RNF128: variants seen among roughly 807,000 people sequenced by gnomAD.
RNF128 encodes ring finger protein 128.
A neutral mutation model predicts 26.2 loss-of-function variants in RNF128; 13 were observed. The ratio of observed to expected loss-of-function variants is 0.50; its 90% CI spans 0.32 to 0.79. The LOEUF (loss-of-function observed/expected upper bound fraction) is 0.79. Among genes scored for constraint, RNF128 ranks in the 30% least tolerant of loss-of-function variants. The probability of loss-of-function intolerance (pLI) is 0.03; values close to 1 mark genes in which losing one functional copy is unlikely to be tolerated. For missense variants in RNF128, 315 were observed against 349.7 expected, an observed-to-expected ratio of 0.90 and a Z score of 0.79; for synonymous variants, 149 against 142.5, an observed-to-expected ratio of 1.05 and a Z score of -0.32.
At chrX:106,782,871 TCTC>T (rs1418314187) in intron 2 of RNF128, among the ~76,000 whole-genome samples, 2 of 111,527 alleles carry the variant, frequency 1.8e-5, no homozygotes, top group Non-Finnish European at 3.8e-5. Flanking sequence ...TCAGTTTTCT[TCTC>T]TGTCTGATTA....
chrX:106,791,506 T>C (rs1034316640), intron 6 of RNF128, among the ~76,000 whole-genome samples: 2 of 111,677 alleles, frequency 1.8e-5, no homozygotes, highest in African/African-American at 6.5e-5. Context: ...AAATCTTGGC[T>C]TATTAACTAA....
intron 3 of RNF128, among the ~76,000 whole-genome samples, chrX:106,785,975 T>C (rs1930651011): frequency 8.9e-6 from 1 of 111,981 alleles, no homozygotes; most frequent in Admixed American, 9.5e-5. Flanking sequence ...GAAGACTTGC[T>C]GTTGTTAAGA....
At chrX:106,777,645 A>G (rs773713794) in intron 2 of RNF128, among the ~76,000 whole-genome samples, 1 of 112,011 alleles carries the variant, frequency 8.9e-6, no homozygotes, top group African/African-American at 3.2e-5. Flanking sequence ...TGAAGAAAGA[A>G]GGATGGAGGC....
intron 1 of RNF128, among the ~76,000 whole-genome samples, chrX:106,728,486 A>C (rs1244456970): frequency 8.9e-6 from 1 of 112,317 alleles, no homozygotes; most frequent in East Asian, 2.8e-4. Context: ...TAAAGAGTTT[A>C]GTGCAGTAAA....
chrX:106,795,650 C>T lies in RNF128; in HGVS notation c.1224C>T (p.Asn408=), dbSNP rs377271840. Residue 408 remains asparagine, a synonymous_variant, in exon 7 of 7, where the codon AAC becomes AAT. Transcript: ENST00000255499. ...TGGATGTTATTCCTCATGTTGACAACCCAACCTTTGAAGAAGACGAAACTC... is the reference window on the plus strand; with the variant it reads ...TGGATGTTATTCCTCATGTTGACAATCCAACCTTTGAAGAAGACGAAACTC... The part of the protein sequence containing the change: ...VAVDVIPHVD[N]PTFEEDETPN... 1.5e-5 allele frequency: 18 copies of T among 1,199,301 alleles called. No homozygotes were observed. The highest frequency in any genetic ancestry group is 3.6e-5 in the South Asian group (2 of 54,887).
chrX:106,767,531 A>AT (rs2060389835), intron 1 of RNF128, among the ~76,000 whole-genome samples: 1 of 111,582 alleles, frequency 9.0e-6, no homozygotes, highest in Non-Finnish European at 1.9e-5. Flanking sequence ...TTATTGGTGT[A>AT]TAAGAATGCT....
At chrX:106,785,407 G>T (rs887083026) in intron 3 of RNF128, among the ~76,000 whole-genome samples, 2 of 111,498 alleles carry the variant, frequency 1.8e-5, no homozygotes, top group African/African-American at 6.5e-5. Context: ...AGATTATCCT[G>T]GATTATCCAG....
rs958916802 is a variant in RNF128 at position 106,753,807 on chromosome X, A to G, written c.485-19106A>G. Among the ~76,000 whole-genome samples the G allele has an allele frequency of 2.6e-4, 29 of 112,030 alleles. 1 individual carries two copies. Among genetic ancestry groups the G allele is most frequent in the African/African-American group, 9.4e-4 (29 of 30,858 alleles). ...ACAACAAAGAGGAGTAGCTATACTT[A>G]TATCACACAATATAGATTTCAAGAC... On this transcript the variant is annotated intron_variant, in intron 1 of 6. Transcript: ENST00000255499.
At chrX:106,723,028 T>C (rs1339650049), upstream of RNF128, among the ~76,000 whole-genome samples, 1 of 111,726 alleles carries the variant, frequency 9.0e-6, no homozygotes, top group South Asian at 3.8e-4. Flanking sequence ...CCTCATACAA[T>C]CCATATGATC....
At chrX:106,767,147 G>T (rs371971816) in intron 1 of RNF128, among the ~76,000 whole-genome samples, 6 of 111,520 alleles carry the variant, frequency 5.4e-5, no homozygotes, top group Middle Eastern at 4.6e-3. Context: ...AGTCAGGTAG[G>T]GTGATGCCTC....
At chrX:106,770,310 A>G (rs1032984762) in intron 1 of RNF128, among the ~76,000 whole-genome samples, 2 of 111,544 alleles carry the variant, frequency 1.8e-5, no homozygotes, top group African/African-American at 6.5e-5. Flanking sequence ...AGATTGGGGA[A>G]GTTCTCCTGG....
intron 1 of RNF128, among the ~76,000 whole-genome samples, chrX:106,733,873 A>G (rs1929542691): frequency 9.1e-6 from 1 of 110,050 alleles, no homozygotes; most frequent in African/African-American, 3.3e-5. Context: ...GCTAATTGTT[A>G]TAGTTTTAGC....
At chrX:106,763,824 A>G (rs1252567197) in intron 1 of RNF128, among the ~76,000 whole-genome samples, 1 of 110,629 alleles carries the variant, frequency 9.0e-6, no homozygotes, top group Non-Finnish European at 1.9e-5. Context: ...AGGTTTTTTA[A>G]TAGTTGGACT....
intron 1 of RNF128, among the ~76,000 whole-genome samples, chrX:106,753,691 G>C (rs1384465656): frequency 9.0e-6 from 1 of 111,548 alleles, no homozygotes; most frequent in Non-Finnish European, 1.9e-5. Context: ...GCCCCAACTA[G>C]CTGCCATCCT....
intron 1 of RNF128, among the ~76,000 whole-genome samples, chrX:106,711,810 A>G (rs139893816): frequency 8.9e-5 from 10 of 112,147 alleles, no homozygotes; most frequent in Non-Finnish European, 1.9e-4. Context: ...TTCTGACACC[A>G]TATGGCAACT....
At position 106,796,463 on chromosome X, in the gene RNF128, T is replaced by G. The variant is rs1602396283; in HGVS notation, c.*750T>G. On this transcript the variant is annotated 3_prime_UTR_variant, in exon 7 of 7. Transcript: ENST00000255499. ...TCAGTATATGAATCATCATACTGTT[T>G]GAAATTGCTAATGACAGAGTAAGTA... 1 of 112,035 alleles carries G rather than the reference T, an allele frequency of 8.9e-6. No individual in the cohort carries two copies. Among genetic ancestry groups the G allele is most frequent in the South Asian group, 3.7e-4 (1 of 2,684 alleles). The allele number at this position is 112,035 out of a possible 1,213,427, so 9.2% of individuals were successfully genotyped here.
intron 1 of RNF128, among the ~76,000 whole-genome samples, chrX:106,744,642 G>A (rs1425175602): frequency 9.1e-6 from 1 of 110,429 alleles, no homozygotes; most frequent in African/African-American, 3.3e-5. Context: ...TGTATTTTTA[G>A]TAGAGACGGG....
intron 1 of RNF128, among the ~76,000 whole-genome samples, chrX:106,755,126 G>A (rs180883368): frequency 2.0e-3 from 223 of 111,896 alleles, no homozygotes; most frequent in Non-Finnish European, 3.4e-3. Context: ...ACTACTGGGA[G>A]CAGCTATACG....
chrX:106,767,208 G>T lies in RNF128; in HGVS notation c.485-5705G>T, dbSNP rs758676769. On this transcript the variant is annotated intron_variant, in intron 1 of 6. Coordinates refer to ENST00000255499, the MANE Select transcript of RNF128 (RefSeq NM_194463.2). ...TGTCTTGGCGATGCGGGCTCTTTGG[G>T]TTCCATATGAACTTTAAAGTAGTTT... 2.0e-3 allele frequency among the ~76,000 whole-genome samples: 218 copies of T among 110,047 alleles called. 3 individuals carry two copies. The highest frequency in any genetic ancestry group is 7.0e-3 in the African/African-American group (214 of 30,508).
Sources: allele counts gnomAD v4.1 joint callset (sites outside exome capture counted in the v4.1 genomes callset), GRCh38; gene constraint gnomAD v4.1.1; transcripts MANE v1.5; gene names NCBI Gene and HGNC (gene_info 2026-07-23, HGNC 2026-07-21).